The following TAS2R1 variants were observed in gnomAD, a reference collection of about 807,000 sequenced individuals.
TAS2R1 encodes taste 2 receptor member 1, also known as taste receptor type 2 member 1.
For missense variants in TAS2R1, 370 were observed against 353.4 expected (o/e 1.05, Z -0.38); for synonymous variants, 141 against 134.2 (o/e 1.05, Z -0.35).
At chr5:9,753,852 G>A in the TAS2R1 span, among the ~76,000 whole-genome samples, 796 of 152,258 alleles carry the variant, frequency 5.2e-3, 4 homozygotes, top group African/African-American at 0.018. Flanking sequence ...AAGATCAGAT[G>A]GTTGTAGATA....
the TAS2R1 span, among the ~76,000 whole-genome samples, chr5:9,779,940 A>G: frequency 1.3e-5 from 2 of 152,340 alleles, no homozygotes; most frequent in African/African-American, 4.8e-5. Flanking sequence ...CTGACTTCTG[A>G]TGCACACTAG....
chr5:9,714,851 T>A (rs543145280), upstream of TAS2R1, among the ~76,000 whole-genome samples: 92 of 152,232 alleles, frequency 6.0e-4, 1 homozygote, highest in Non-Finnish European at 1.1e-3. Context: ...ATGCAATATG[T>A]GTGCAACATG....
the TAS2R1 span, among the ~76,000 whole-genome samples, chr5:9,811,439 C>T: frequency 6.6e-6 from 1 of 152,170 alleles, no homozygotes; most frequent in Non-Finnish European, 1.5e-5. Context: ...TGGGCATCCC[C>T]TGCCCCCTAA....
chr5:9,646,056 A>G (rs42225), intron 2 of TAS2R1, among the ~76,000 whole-genome samples: 144,496 of 152,220 alleles, frequency 0.95, 69,180 homozygotes, highest in Non-Finnish European at 1. Flanking sequence ...AACCAGACAA[A>G]TTATCTGCCT....
the TAS2R1 span, among the ~76,000 whole-genome samples, chr5:9,861,037 G>GTTTTTTTTTTTTTTTTTTTTTTGTTTTT: frequency 1.1e-5 from 1 of 88,628 alleles, no homozygotes; most frequent in African/African-American, 4.3e-5. Context: ...GGAAGATGAG[G>GTTTTTTTTTTTTTTTTTTTTTTGTTTTT]TTTTTTTTTT....
At position 9,689,742 on chromosome 5, in the gene TAS2R1, T is replaced by A. The variant is rs1741197038; in HGVS notation, c.-242+22430A>T. ...TCTATAAGATACTAAATATTAAACGTTTTTTCTAGCTGTTATATATTATAA... is the reference window on the plus strand; with the variant it reads ...TCTATAAGATACTAAATATTAAACGATTTTTCTAGCTGTTATATATTATAA... On this transcript the variant is annotated intron_variant, in intron 1 of 2. Coordinates refer to the TAS2R1 transcript ENST00000506620. Among the ~76,000 whole-genome samples, 3 of 152,048 alleles carry A rather than the reference T, an allele frequency of 2.0e-5. No homozygotes were observed. In the South Asian group the frequency reaches 6.2e-4, roughly 32 times the overall value.
the TAS2R1 span, among the ~76,000 whole-genome samples, chr5:9,873,015 C>T: frequency 5.9e-5 from 9 of 152,330 alleles, no homozygotes; most frequent in Middle Eastern, 3.4e-3. Context: ...AGGCAGACAT[C>T]ACCACTCAGG....
At chr5:9,789,186 T>C in the TAS2R1 span, among the ~76,000 whole-genome samples, 1 of 152,158 alleles carries the variant, frequency 6.6e-6, no homozygotes, top group African/African-American at 2.4e-5. Flanking sequence ...CTGGGAAAGG[T>C]ATTTGATACA....
intron 1 of TAS2R1, among the ~76,000 whole-genome samples, chr5:9,703,993 A>G (rs1741547078): frequency 6.6e-6 from 1 of 152,236 alleles, no homozygotes. Flanking sequence ...CATAAAGCTG[A>G]TTTGTAGTAA....
the TAS2R1 span, among the ~76,000 whole-genome samples, chr5:9,900,240 T>G: frequency 1.6e-3 from 246 of 152,354 alleles, no homozygotes; most frequent in Non-Finnish European, 2.8e-3. Flanking sequence ...TGAGGCCATT[T>G]CAACAGCATC....
intron 1 of TAS2R1, among the ~76,000 whole-genome samples, chr5:9,693,524 C>CAAAAA (rs35262775): frequency 9.4e-4 from 31 of 32,814 alleles, no homozygotes; most frequent in African/African-American, 1.7e-3. Context: ...AACTCCATCT[C>CAAAAA]AAAAAAAAAA....
chr5:9,847,992 T>C, the TAS2R1 span, among the ~76,000 whole-genome samples: 1 of 152,114 alleles, frequency 6.6e-6, no homozygotes, highest in African/African-American at 2.4e-5. Flanking sequence ...AACTCTGGAG[T>C]GGGACTGGAT....
At chr5:9,673,951 A>G (rs1740819700) in intron 1 of TAS2R1, among the ~76,000 whole-genome samples, 1 of 152,084 alleles carries the variant, frequency 6.6e-6, no homozygotes, top group Non-Finnish European at 1.5e-5. Flanking sequence ...GCTCCCACCC[A>G]ATGCTCCAGC....
chr5:9,898,817 T>A, the TAS2R1 span, among the ~76,000 whole-genome samples: 2 of 152,188 alleles, frequency 1.3e-5, no homozygotes, highest in African/African-American at 4.8e-5. Flanking sequence ...CAGAGGGGCC[T>A]GGACAGGGAT....
the TAS2R1 span, among the ~76,000 whole-genome samples, chr5:9,800,062 C>A: frequency 6.6e-6 from 1 of 152,164 alleles, no homozygotes; most frequent in Non-Finnish European, 1.5e-5. Flanking sequence ...CTTAAGCAGG[C>A]CTATTTCTTT....
At chr5:9,848,140 C>A in the TAS2R1 span, among the ~76,000 whole-genome samples, 1 of 152,166 alleles carries the variant, frequency 6.6e-6, no homozygotes, top group Non-Finnish European at 1.5e-5. Context: ...TGATCAAGAA[C>A]CTGAAGTAAC....
chr5:9,866,676 C>A, the TAS2R1 span, among the ~76,000 whole-genome samples: 1 of 152,236 alleles, frequency 6.6e-6, no homozygotes, highest in Non-Finnish European at 1.5e-5. Context: ...CACAGGACTT[C>A]TCCTTAGAAG....
chr5:9,807,979 C>T, the TAS2R1 span, among the ~76,000 whole-genome samples: 1 of 151,328 alleles, frequency 6.6e-6, no homozygotes, highest in East Asian at 1.9e-4. Context: ...AAATTTGTAC[C>T]AAGAAGTGGG....
chr5:9,734,506 G>GTT, the TAS2R1 span, among the ~76,000 whole-genome samples: 30,858 of 151,854 alleles, frequency 0.2, 3,147 homozygotes, highest in Middle Eastern at 0.28. Context: ...CTGTACAAGA[G>GTT]GTTTTTTTGC....
Sources: allele counts gnomAD v4.1 joint callset (sites outside exome capture counted in the v4.1 genomes callset), GRCh38; gene constraint gnomAD v4.1.1; transcripts MANE v1.5; gene names NCBI Gene and HGNC (gene_info 2026-07-23, HGNC 2026-07-21).